The following ROBO1 variants were observed in gnomAD, a reference collection of about 807,000 sequenced individuals.
The protein encoded by ROBO1 is roundabout guidance receptor 1.
In ROBO1, 149 loss-of-function variants were observed where a neutral mutation model predicts 195.9. That is an observed-to-expected ratio of 0.76 (90% CI 0.67 to 0.87). The LOEUF is 0.87. Among genes scored for constraint, ROBO1 ranks in the 40% least tolerant of loss-of-function variants. The pLI, the probability that ROBO1 is intolerant of heterozygous loss-of-function variation, is 0.00. For synonymous variants in ROBO1, 816 were observed against 733.2 expected, an observed-to-expected ratio of 1.11 and a Z score of -1.82; for missense variants, 1,933 against 2,068.3, an observed-to-expected ratio of 0.93 and a Z score of 1.27.
intron 4 of ROBO1, among the ~76,000 whole-genome samples, chr3:78,916,425 G>A (rs1346241706): frequency 2.0e-5 from 3 of 151,206 alleles, no homozygotes; most frequent in Non-Finnish European, 4.4e-5. Flanking sequence ...GGGGGCGGGT[G>A]CCTGTACTCC....
At chr3:79,075,540 T>A (rs1324332251) in intron 3 of ROBO1, among the ~76,000 whole-genome samples, 1 of 151,970 alleles carries the variant, frequency 6.6e-6, no homozygotes, top group Non-Finnish European at 1.5e-5. Flanking sequence ...AGTAGGTAGA[T>A]AAACTTGCAT....
chr3:79,039,793 C>G (rs2078449585), intron 3 of ROBO1, among the ~76,000 whole-genome samples: 1 of 290 alleles, frequency 3.4e-3, no homozygotes, highest in Non-Finnish European at 0.01. Flanking sequence ...CAAAGCAAGA[C>G]TCCGTCTCAA....
chr3:78,914,281 A>C (rs1466746631), intron 4 of ROBO1, among the ~76,000 whole-genome samples: 3 of 152,168 alleles, frequency 2.0e-5, no homozygotes. Context: ...TCAAAAATGG[A>C]AAGAAATAGA....
intron 2 of ROBO1, among the ~76,000 whole-genome samples, chr3:79,161,242 G>A (rs1225230955): frequency 6.6e-6 from 1 of 152,058 alleles, no homozygotes. Flanking sequence ...ATGTAGGAAG[G>A]ATCCCACTCT....
chr3:79,432,514 C>A (rs1224773176), intron 2 of ROBO1, among the ~76,000 whole-genome samples: 1 of 152,070 alleles, frequency 6.6e-6, no homozygotes, highest in Non-Finnish European at 1.5e-5. Flanking sequence ...AATCATGAGG[C>A]ATTTAAAAAT....
At chr3:79,329,940 AC>A (rs2034364797) in intron 2 of ROBO1, among the ~76,000 whole-genome samples, 1 of 152,084 alleles carries the variant, frequency 6.6e-6, no homozygotes, top group Non-Finnish European at 1.5e-5. Context: ...TGTTCTCTGG[AC>A]CAGTAAACTC....
At chr3:78,647,544 G>T in intron 20 of ROBO1, 85 bp downstream of exon 20, 8 of 1,317,516 alleles carry the variant, frequency 6.1e-6, no homozygotes, top group African/African-American at 1.5e-5. Flanking sequence ...ACTTACTGCA[G>T]AAAATGAAAT....
intron 2 of ROBO1, among the ~76,000 whole-genome samples, chr3:79,197,883 GTT>G (rs71631638): frequency 1.5e-4 from 22 of 145,356 alleles, no homozygotes; most frequent in African/African-American, 2.7e-4. Context: ...TTTTTGATGG[GTT>G]TTTTTTTTTT....
intron 2 of ROBO1, among the ~76,000 whole-genome samples, chr3:79,587,980 A>T (rs948536243): frequency 6.6e-6 from 1 of 151,754 alleles, no homozygotes; most frequent in African/African-American, 2.4e-5. Flanking sequence ...AGTCCTGAAA[A>T]AAAAGGCATC....
intron 4 of ROBO1, among the ~76,000 whole-genome samples, chr3:78,806,419 T>G (rs1185779835): frequency 6.6e-6 from 1 of 151,772 alleles, no homozygotes; most frequent in Non-Finnish European, 1.5e-5. Flanking sequence ...GGGGAAAGAG[T>G]TGGGATAAAA....
At chr3:78,697,413 GA>G (rs1221078318) in intron 8 of ROBO1, among the ~76,000 whole-genome samples, 1 of 152,094 alleles carries the variant, frequency 6.6e-6, no homozygotes, top group Non-Finnish European at 1.5e-5. Flanking sequence ...TTCATCTAAA[GA>G]AAATAAGTTA....
intron 1 of ROBO1, among the ~76,000 whole-genome samples, chr3:79,657,267 A>G (rs1946195095): frequency 6.6e-6 from 1 of 152,112 alleles, no homozygotes; most frequent in Non-Finnish European, 1.5e-5. Flanking sequence ...GAAGAAATAC[A>G]CAATGCTGAA....
chr3:78,711,326 TCC>T (rs1466464642), intron 8 of ROBO1, among the ~76,000 whole-genome samples: 1 of 96,962 alleles, frequency 1.0e-5, no homozygotes, highest in Non-Finnish European at 2.1e-5. Flanking sequence ...TCTCTCTCTC[TCC>T]TTCCTTCCTT....
rs1232127266 is a variant in ROBO1 at position 78,598,401 on chromosome 3, T to C, written c.*512A>G. 6.6e-6 allele frequency: 1 copy of C among 152,612 alleles called. No homozygotes were observed. Among genetic ancestry groups the C allele is most frequent in the Non-Finnish European group, 1.5e-5 (1 of 68,044 alleles). The allele number at this position is 152,612 out of a possible 1,614,324, so 9.5% of individuals were successfully genotyped here. On this transcript the variant is annotated 3_prime_UTR_variant, in exon 31 of 31. Transcript: ENST00000464233. ...ATTTTTAGTTTCTTCCAGCAAAGGG[T>C]AGTATGAAAAACTGATTTTGAAATC... is the stretch of plus-strand genomic sequence containing the variant.
intron 2 of ROBO1, among the ~76,000 whole-genome samples, chr3:79,326,961 G>A (rs575717791): frequency 1.3e-5 from 2 of 152,158 alleles, no homozygotes; most frequent in South Asian, 2.1e-4. Context: ...TATATTTATA[G>A]GAAGTTAAGT....
chr3:79,155,198 T>A (rs948324257), intron 2 of ROBO1, among the ~76,000 whole-genome samples: 7 of 151,682 alleles, frequency 4.6e-5, no homozygotes, highest in African/African-American at 1.7e-4. Context: ...ACCCTTTTTT[T>A]TTTTCTGGAT....
At chr3:79,008,839 T>C (rs1480515083) in intron 3 of ROBO1, among the ~76,000 whole-genome samples, 29 of 146,530 alleles carry the variant, frequency 2.0e-4, no homozygotes, top group Admixed American at 1.5e-3. Context: ...TCCTCCCACC[T>C]CAATCTCCCG....
intron 1 of ROBO1, among the ~76,000 whole-genome samples, chr3:79,688,507 C>A (rs7427034): frequency 0.25 from 37,291 of 151,994 alleles, 4,897 homozygotes; most frequent in African/African-American, 0.33. Flanking sequence ...ATATTCTAAT[C>A]ATTTCTATTG....
intron 2 of ROBO1, among the ~76,000 whole-genome samples, chr3:79,306,600 C>T (rs542796041): frequency 6.6e-6 from 1 of 152,334 alleles, no homozygotes; most frequent in Admixed American, 6.5e-5. Context: ...TCCGCAAGCA[C>T]AGCCAGTGAA....
Sources: gnomAD v4.1 joint callset for allele counts (sites outside exome capture counted in the v4.1 genomes callset) on GRCh38, gnomAD v4.1.1 for gene constraint, MANE v1.5 for transcripts, NCBI Gene and HGNC (gene_info 2026-07-23, HGNC 2026-07-21) for gene names.